Variants in MALRD1 observed in about 807,000 individuals in gnomAD.
The protein encoded by MALRD1 is MAM and LDL-receptor class A domain-containing protein 1.
MALRD1 carries 247 observed loss-of-function variants against 242.1 expected under a neutral mutation model. The observed-to-expected ratio is 1.02, with a 90% CI of 0.92 to 1.13. The LOEUF is 1.13. Ranked by LOEUF, MALRD1 falls within the 50% of genes most tolerant of loss-of-function variation. The probability of loss-of-function intolerance (pLI) is 0.00; values close to 1 mark genes in which losing one functional copy is unlikely to be tolerated. For synonymous variants in MALRD1, 995 were observed against 866.6 expected (o/e 1.15, Z -2.60); for missense variants, 2,989 against 2,533.1 (o/e 1.18, Z -3.86).
At chr10:19,657,519 A>G (rs77563120) in intron 36 of MALRD1, among the ~76,000 whole-genome samples, 2,185 of 151,708 alleles carry the variant, frequency 0.014, 46 homozygotes, top group East Asian at 0.095. Context: ...ACAGTAAATT[A>G]CAGAATTGAG....
At chr10:19,606,126 A>G (rs1240192957) in intron 34 of MALRD1, among the ~76,000 whole-genome samples, 1 of 152,132 alleles carries the variant, frequency 6.6e-6, no homozygotes, top group Admixed American at 6.6e-5. Flanking sequence ...ATTACCTATG[A>G]TAAGTAAAAT....
At chr10:19,180,558 CT>C (rs1835461156) in intron 14 of MALRD1, among the ~76,000 whole-genome samples, 1 of 152,152 alleles carries the variant, frequency 6.6e-6, no homozygotes, top group Non-Finnish European at 1.5e-5. Context: ...ACACCGTACA[CT>C]TAAATAAATT....
chr10:19,531,152 A>G, intron 31 of MALRD1, 42 bp from the exon 32 acceptor site: 2 of 1,492,454 alleles, frequency 1.3e-6, no homozygotes, highest in Non-Finnish European at 1.8e-6. Context: ...CTCATGCGAT[A>G]TTATCATTAC....
chr10:19,653,951 G>C (rs1482011193), intron 36 of MALRD1, among the ~76,000 whole-genome samples: 1 of 152,140 alleles, frequency 6.6e-6, no homozygotes, highest in Non-Finnish European at 1.5e-5. Context: ...TGAAATCCAA[G>C]TGCCACTAAT....
chr10:19,370,062 A>G (rs1845306852), intron 26 of MALRD1, among the ~76,000 whole-genome samples: 1 of 152,124 alleles, frequency 6.6e-6, no homozygotes, highest in African/African-American at 2.4e-5. Context: ...CCTCTGATTC[A>G]TCATGAATTA....
At chr10:19,607,941 C>A in intron 35 of MALRD1, 39 bp downstream of exon 35, 2 of 1,544,040 alleles carry the variant, frequency 1.3e-6, no homozygotes, top group South Asian at 1.2e-5. Context: ...TGATATGAAC[C>A]AGCAACTTAA....
At chr10:19,507,017 A>G (rs1833173196) in intron 31 of MALRD1, among the ~76,000 whole-genome samples, 1 of 152,060 alleles carries the variant, frequency 6.6e-6, no homozygotes, top group Non-Finnish European at 1.5e-5. Context: ...ATTATGACAG[A>G]TGGTGAAGGG....
intron 21 of MALRD1, among the ~76,000 whole-genome samples, chr10:19,292,713 A>G (rs1428623483): frequency 6.6e-6 from 1 of 152,028 alleles, no homozygotes; most frequent in Admixed American, 6.6e-5. Context: ...TAACACGGTG[A>G]AACCCCGTCT....
At chr10:19,615,757 C>G in intron 35 of MALRD1, 100 bp from the exon 36 acceptor site, 1 of 979,604 alleles carries the variant, frequency 1.0e-6, no homozygotes, top group Non-Finnish European at 1.5e-6. Context: ...GGAATTTACT[C>G]TTAGAGATTA....
intron 29 of MALRD1, among the ~76,000 whole-genome samples, chr10:19,473,847 A>G (rs898539863): frequency 6.6e-6 from 1 of 152,154 alleles, no homozygotes; most frequent in African/African-American, 2.4e-5. Flanking sequence ...CAGAAGTGGA[A>G]CAGTTTGATT....
chr10:19,102,451 T>G (rs1461936021), intron 4 of MALRD1, among the ~76,000 whole-genome samples: 1 of 152,134 alleles, frequency 6.6e-6, no homozygotes, highest in Non-Finnish European at 1.5e-5. Context: ...GAGTGATAGG[T>G]AGCATATGGC....
chr10:19,265,986 A>AT (rs1229178313), intron 19 of MALRD1, among the ~76,000 whole-genome samples: 2 of 151,296 alleles, frequency 1.3e-5, no homozygotes, highest in African/African-American at 2.4e-5. Flanking sequence ...TCTTTTTACC[A>AT]TTTTTTGCTT....
At chr10:19,639,832 A>G (rs1461598745) in intron 36 of MALRD1, among the ~76,000 whole-genome samples, 1 of 152,156 alleles carries the variant, frequency 6.6e-6, no homozygotes, top group African/African-American at 2.4e-5. Flanking sequence ...CCATTAATTA[A>G]ACCTAGAGTT....
intron 33 of MALRD1, among the ~76,000 whole-genome samples, chr10:19,581,958 T>A (rs1363115638): frequency 6.6e-6 from 1 of 152,248 alleles, no homozygotes; most frequent in African/African-American, 2.4e-5. Context: ...GATTTGCATT[T>A]CTCTGATGGC....
chr10:19,664,817 TTTG>T (rs2131742136), intron 36 of MALRD1, among the ~76,000 whole-genome samples: 1 of 152,184 alleles, frequency 6.6e-6, no homozygotes, highest in South Asian at 2.1e-4. Flanking sequence ...GATCATACAG[TTTG>T]TTAACCATTG....
chr10:19,565,533 T>G (rs1836213666), intron 32 of MALRD1, among the ~76,000 whole-genome samples: 1 of 152,212 alleles, frequency 6.6e-6, no homozygotes, highest in Admixed American at 6.5e-5. Context: ...TCACTTTAAT[T>G]AGGTTCTGTA....
rs559621276 is a variant in MALRD1, at chr10:19,709,880, T to C, written c.6314+17326T>C. On this transcript the variant is annotated intron_variant, in intron 38 of 39. Coordinates refer to ENST00000454679, the MANE Select transcript of MALRD1 (RefSeq NM_001142308.3). ...ACAACAAAGTCTGGGGCTCATTTGT[T>C]GTAATTGTATTTGCTGAAAAACCTC... Among the ~76,000 whole-genome samples the C allele has an allele frequency of 6.0e-4, 92 of 152,336 alleles. 1 individual carries two copies. In the South Asian group the frequency reaches 0.011, roughly 18 times the overall value.
chr10:19,258,138 G>A (rs1839600141), intron 19 of MALRD1, among the ~76,000 whole-genome samples: 1 of 151,988 alleles, frequency 6.6e-6, no homozygotes, highest in South Asian at 2.1e-4. Context: ...ACTCTCGGGA[G>A]GCACTTTAAA....
chr10:19,050,402 T>G (rs1834457903), intron 1 of MALRD1, among the ~76,000 whole-genome samples: 1 of 151,892 alleles, frequency 6.6e-6, no homozygotes, highest in Non-Finnish European at 1.5e-5. Flanking sequence ...TTTTTTTTAT[T>G]CAGATAAAAT....
Sources: gnomAD v4.1 joint callset for allele counts (sites outside exome capture counted in the v4.1 genomes callset) on GRCh38, gnomAD v4.1.1 for gene constraint, MANE v1.5 for transcripts, NCBI Gene and HGNC (gene_info 2026-07-23, HGNC 2026-07-21) for gene names.